Variants in MSI2 observed in about 807,000 individuals in gnomAD.
The protein encoded by MSI2 is RNA-binding protein Musashi homolog 2.
MSI2 carries 17 observed loss-of-function variants against 45.6 expected under a neutral mutation model. The observed-to-expected ratio is 0.37, with a 90% CI of 0.26 to 0.56. MSI2 has a LOEUF of 0.56. Ranked by LOEUF, MSI2 falls within the 20% of genes least tolerant of loss-of-function variation. The probability of loss-of-function intolerance (pLI) is 0.77; values close to 1 mark genes in which losing one functional copy is unlikely to be tolerated. For missense variants in MSI2, 293 were observed against 444.2 expected, an observed-to-expected ratio of 0.66 and a Z score of 3.06; for synonymous variants, 156 against 158.2, an observed-to-expected ratio of 0.99 and a Z score of 0.11.
intron 6 of MSI2, among the ~76,000 whole-genome samples, chr17:57,511,291 G>C (rs894678658): frequency 6.6e-6 from 1 of 152,154 alleles, no homozygotes. Flanking sequence ...AAAGGAAGGC[G>C]CATTAATAAA....
At position 57,324,376 on chromosome 17, in the gene MSI2, C is replaced by T. The variant is rs538027419; in HGVS notation, c.312+62184C>T. On this transcript the variant is annotated intron_variant, in intron 5 of 13. Transcript: ENST00000284073. ...TTTCCTCATCTTACCCGCTGGCTCC[C>T]GCGGTCATATACTCCCCGGTCAGTC... 1.8e-4 allele frequency among the ~76,000 whole-genome samples: 28 copies of T among 152,234 alleles called. No homozygotes were observed. The South Asian group carries it at 5.0e-3, about 27-fold the overall frequency.
chr17:57,608,693 G>A (rs575163176), intron 8 of MSI2, among the ~76,000 whole-genome samples: 8 of 152,190 alleles, frequency 5.3e-5, no homozygotes, highest in South Asian at 2.1e-4. Flanking sequence ...TCGTCTTTTT[G>A]TCATGGGCCC....
intron 6 of MSI2, among the ~76,000 whole-genome samples, chr17:57,506,566 G>T (rs961710688): frequency 6.6e-6 from 1 of 152,136 alleles, no homozygotes; most frequent in Non-Finnish European, 1.5e-5. Context: ...CACCGTCCCC[G>T]AGAACAGCCA....
At chr17:57,618,813 A>AT (rs1907995749) in intron 9 of MSI2, among the ~76,000 whole-genome samples, 1 of 152,228 alleles carries the variant, frequency 6.6e-6, no homozygotes, top group Non-Finnish European at 1.5e-5. Flanking sequence ...AAGTGCTGGG[A>AT]TTACAGGCGT....
intron 1 of MSI2, 57 bp from the exon 2 acceptor site, chr17:57,257,041 C>T: frequency 6.6e-7 from 1 of 1,523,434 alleles, no homozygotes; most frequent in South Asian, 1.1e-5. Context: ...GTAAGTTACA[C>T]GTCAAAATGG....
intron 6 of MSI2, among the ~76,000 whole-genome samples, chr17:57,498,527 A>C (rs2086026678): frequency 6.6e-6 from 1 of 152,220 alleles, no homozygotes; most frequent in African/African-American, 2.4e-5. Context: ...CGACCCCAGT[A>C]CCAAAATGTG....
In MSI2 at chr17:57,627,151, G is replaced by C. The variant is rs991594333; in HGVS notation, c.653-78G>C. The C allele has an allele frequency of 2.4e-6, 3 of 1,274,950 alleles. No individual in the cohort carries two copies. The African/African-American group carries it at 4.4e-5, about 19-fold the overall frequency. The allele number at this position is 1,274,950 out of a possible 1,614,324, so 79.0% of individuals were successfully genotyped here. Reference sequence around the variant, plus strand: ...GAAAATAACTCAGGCTTTCCTCATTGCCACCCTCCGTGAGATTTTACCCCA... The same window carrying C: ...GAAAATAACTCAGGCTTTCCTCATTCCCACCCTCCGTGAGATTTTACCCCA... On this transcript the variant is annotated intron_variant, in intron 9 of 13. Coordinates refer to ENST00000284073, the MANE Select transcript of MSI2 (RefSeq NM_138962.4). This position sits in a 1 kb window ranked among gnomAD's most constrained non-coding sequence, Gnocchi z 4.6.
In MSI2 at chr17:57,529,590, C is replaced by A. The variant is rs555062442; in HGVS notation, c.406-86C>A. ...ACTATTACTTCTGTAATGGAAACTA[C>A]CCCCTCACCCCCCGACATGCATATA... is the stretch of plus-strand genomic sequence containing the variant. On this transcript the variant is annotated intron_variant, in intron 6 of 13. Transcript: ENST00000284073. The surrounding 1 kb of genome is among the most constrained non-coding windows in gnomAD (Gnocchi z 5.3). 2 of 1,212,524 alleles carry A rather than the reference C, an allele frequency of 1.6e-6. No individual in the cohort carries two copies. Among genetic ancestry groups the A allele is most frequent in the East Asian group, 2.4e-5 (1 of 41,750 alleles). The allele number at this position is 1,212,524 out of a possible 1,614,324, so 75.1% of individuals were successfully genotyped here.
At chr17:57,382,600 G>C (rs1279016046) in intron 5 of MSI2, among the ~76,000 whole-genome samples, 1 of 152,166 alleles carries the variant, frequency 6.6e-6, no homozygotes, top group Non-Finnish European at 1.5e-5. Flanking sequence ...ATGTTAGTTG[G>C]GAAACTGATA....
chr17:57,640,231 A>G (rs1487384405), intron 10 of MSI2, among the ~76,000 whole-genome samples: 1 of 152,166 alleles, frequency 6.6e-6, no homozygotes. Flanking sequence ...TCACAGGGCG[A>G]TGGCCACCCC....
rs1555607257 is a variant in MSI2, at chr17:57,450,278, A to AGAAG, written c.405+48810_405+48811insGGAA. The AGAAG allele has an allele frequency of 1.3e-3, 138 of 105,442 alleles. 6 individuals are homozygous for AGAAG. In the Middle Eastern group the frequency reaches 0.014, roughly 11 times the overall value. The allele number at this position is 105,442 out of a possible 1,614,324, so 6.5% of individuals were successfully genotyped here. A position where few individuals can be genotyped will look rare whatever the true frequency, so the allele number is the denominator to read the frequency against. The stretch of plus-strand genomic sequence containing the variant: ...CTTAAAGAAAGAAAGAAAGAAAGAA[A>AGAAG]GAAAGAAAGAAAGAAAGAAAGAAAG... On this transcript the variant is annotated intron_variant, in intron 6 of 13. Coordinates refer to ENST00000284073, the MANE Select transcript of MSI2 (RefSeq NM_138962.4).
At chr17:57,426,346 T>G (rs1015235038) in intron 6 of MSI2, among the ~76,000 whole-genome samples, 6 of 152,240 alleles carry the variant, frequency 3.9e-5, no homozygotes, top group African/African-American at 1.4e-4. Flanking sequence ...TTACCATTGT[T>G]ATTTAAATTT....
intron 6 of MSI2, among the ~76,000 whole-genome samples, chr17:57,408,430 A>G (rs2084125504): frequency 6.6e-6 from 1 of 152,252 alleles, no homozygotes; most frequent in Non-Finnish European, 1.5e-5. Context: ...AGGTAGAGGA[A>G]CAAGGCCGAA....
chr17:57,464,432 AGACCCTATTTC>A (rs1291798225), intron 6 of MSI2, among the ~76,000 whole-genome samples: 1 of 152,200 alleles, frequency 6.6e-6, no homozygotes, highest in African/African-American at 2.4e-5. Flanking sequence ...CAACGGAGCA[AGACCCTATTTC>A]AAAAAACAAA....
intron 10 of MSI2, among the ~76,000 whole-genome samples, chr17:57,641,976 G>C (rs555727549): frequency 6.6e-6 from 1 of 152,236 alleles, no homozygotes; most frequent in East Asian, 1.9e-4. Flanking sequence ...CTGGGGGCCA[G>C]CGTCGGAGCC....
At chr17:57,302,972 G>A (rs930250147) in intron 5 of MSI2, among the ~76,000 whole-genome samples, 3 of 152,124 alleles carry the variant, frequency 2.0e-5, no homozygotes, top group African/African-American at 7.2e-5. Context: ...AGGAGAGAGG[G>A]AGAAACAGCA....
intron 8 of MSI2, chr17:57,601,903 C>T (rs1905920985): frequency 6.6e-6 from 1 of 152,206 alleles, no homozygotes; most frequent in African/African-American, 2.4e-5. Flanking sequence ...GTGGATCTTC[C>T]TTGGTGGGAC....
intron 11 of MSI2, among the ~76,000 whole-genome samples, chr17:57,669,513 G>A (rs1462543140): frequency 6.6e-6 from 1 of 152,216 alleles, no homozygotes; most frequent in Non-Finnish European, 1.5e-5. Context: ...AGAGTCCTAC[G>A]ACTATGGAGT....
At chr17:57,455,696 T>G (rs2085100689) in intron 6 of MSI2, among the ~76,000 whole-genome samples, 2 of 151,828 alleles carry the variant, frequency 1.3e-5, no homozygotes, top group African/African-American at 4.8e-5. Flanking sequence ...AGAGGGACAG[T>G]GGGGGAGAGC....
Sources: gnomAD v4.1 joint callset for allele counts (sites outside exome capture counted in the v4.1 genomes callset) on GRCh38, gnomAD v4.1.1 for gene constraint, Gnocchi (gnomAD v3.1) non-coding constraint, MANE v1.5 for transcripts, NCBI Gene and HGNC (gene_info 2026-07-23, HGNC 2026-07-21) for gene names.